Variants in SLF2 observed in about 807,000 individuals in gnomAD.
SLF2 encodes SMC5-SMC6 complex localization factor protein 2.
SLF2 carries 68 observed loss-of-function variants against 124.3 expected under a neutral mutation model. The observed-to-expected ratio is 0.55, with a 90% CI of 0.45 to 0.67. The LOEUF is 0.67. SLF2 is among the 30% of genes least tolerant of loss of function. The probability of loss-of-function intolerance (pLI) is 0.00; values close to 1 mark genes in which losing one functional copy is unlikely to be tolerated. For synonymous variants in SLF2, 480 were observed against 478.8 expected, an observed-to-expected ratio of 1.00 and a Z score of -0.03; for missense variants, 1,246 against 1,373.7, an observed-to-expected ratio of 0.91 and a Z score of 1.47.
Position 100,962,007 on chromosome 10 carries a change from C to A in SLF2, c.*95C>A. The A allele has an allele frequency of 1.6e-5, 18 of 1,138,208 alleles. No homozygotes were observed. The highest frequency in any genetic ancestry group is 8.9e-5 in the South Asian group (5 of 56,014). 70.5% of individuals were successfully genotyped at this position (1,138,208 alleles called of 1,614,324 possible). On this transcript the variant is annotated 3_prime_UTR_variant, in exon 20 of 20. Coordinates refer to ENST00000238961, the MANE Select transcript of SLF2 (RefSeq NM_018121.4). ...GGATTATTACAGAATCCAATGAATG[C>A]CAAGAAAATGTACAGCAAATGTGCC...
chr10:100,956,386 A>G (rs976962727), intron 17 of SLF2, 65 bp from the exon 18 acceptor site: 1 of 1,163,426 alleles, frequency 8.6e-7, no homozygotes, highest in African/African-American at 1.5e-5. Context: ...TTCTAGCTGC[A>G]TAATTTCTTT....
intron 9 of SLF2, among the ~76,000 whole-genome samples, chr10:100,932,775 A>G (rs1402071732): frequency 6.6e-6 from 1 of 152,004 alleles, no homozygotes; most frequent in Non-Finnish European, 1.5e-5. Context: ...GATAAGTGCT[A>G]TGAAGAAAAC....
Position 100,956,426 on chromosome 10 carries a change from C to A in SLF2, c.3331-25C>A, listed in dbSNP as rs372394338. The A allele has an allele frequency of 4.5e-6, 7 of 1,540,666 alleles. No individual in the cohort carries two copies. In the East Asian group the frequency reaches 1.6e-4, roughly 35 times the overall value. ...ATTTGTAATGCTTCAGAATTGTTTT[C>A]ATCCCTTGCATTTGTTTTGCACAGA... On this transcript the variant is annotated intron_variant, in intron 17 of 19. Transcript: ENST00000238961.
intron 9 of SLF2, among the ~76,000 whole-genome samples, chr10:100,932,364 C>A (rs1238037536): frequency 6.6e-6 from 1 of 152,052 alleles, no homozygotes. Flanking sequence ...ATAAAAGAGT[C>A]CTTTATAATA....
At position 100,924,334 on chromosome 10, in the gene SLF2, C is replaced by G. The variant is rs1299466271; in HGVS notation, c.1333C>G (p.Gln445Glu). 5.0e-6 allele frequency: 8 copies of G among 1,613,820 alleles called. No homozygotes were observed. Among genetic ancestry groups the G allele is most frequent in the Admixed American group, 3.3e-5 (2 of 59,952 alleles). ...KMQKPHLPLS[Q>E]EKSAIKKASN... is the part of the protein sequence containing the mutation. Reference sequence around the variant, plus strand: ...GCAGAAACCCCACTTACCTTTATCTCAGGAAAAGTCTGCAATTAAAAAAGC... The same window carrying G: ...GCAGAAACCCCACTTACCTTTATCTGAGGAAAAGTCTGCAATTAAAAAAGC... Residue 445 changes from glutamine (Q) to glutamate (E), a missense_variant, in exon 5 of 20, where the codon CAG (glutamine) becomes GAG (glutamate). Around this residue, in one of 3 missense-constraint regions of SLF2, gnomAD observed 698 missense variants for 708.9 expected, o/e 0.98. Coordinates refer to ENST00000238961, the MANE Select transcript of SLF2 (RefSeq NM_018121.4).
At chr10:100,937,891 T>C (rs573767691) in intron 10 of SLF2, among the ~76,000 whole-genome samples, 1 of 152,346 alleles carries the variant, frequency 6.6e-6, no homozygotes, top group South Asian at 2.1e-4. Flanking sequence ...ATTACAGGCA[T>C]GAGCCACCTC....
At position 100,937,404 on chromosome 10, in the gene SLF2, G is replaced by A. The variant is rs1368824402; in HGVS notation, c.2439G>A (p.Met813Ile). The change falls in exon 10 of 20, where the codon ATG (methionine) becomes ATA (isoleucine). Residue 813 changes from methionine (M) to isoleucine (I), a missense_variant and splice_region_variant. Around this residue, in one of 3 missense-constraint regions of SLF2, gnomAD observed 535 missense variants for 632.8 expected, o/e 0.85. Coordinates refer to ENST00000238961, the MANE Select transcript of SLF2 (RefSeq NM_018121.4). ...PVPVLKWLFR[M>I]MSVHTDCIVS... ...TGTCATTTCTCTGCTTTTGACAGAT[G>A]ATGTCAGTTCATACAGACTGTATTG... The A allele has an allele frequency of 1.2e-6, 2 of 1,604,818 alleles. No individual in the cohort carries two copies. Among genetic ancestry groups the A allele is most frequent in the Admixed American group, 3.3e-5 (2 of 59,860 alleles).
At position 100,929,832 on chromosome 10, in the gene SLF2, A is replaced by G; in HGVS notation, c.2168A>G (p.Glu723Gly). The part of the protein sequence containing the change: ...DEDGLLEEHK[E>G]FLKKFSVTID... ...GATTGACTTTTTTTATGTTTCAGGG[A>G]ATTTCTAAAGAAATTTTCAGTTACA... Residue 723 changes from glutamate (E) to glycine (G), a missense_variant and splice_region_variant, in exon 8 of 20, where the codon GAA (glutamate) becomes GGA (glycine). Glu to Gly is a moderately conservative substitution (Grantham distance 98). Around this residue, in one of 3 missense-constraint regions of SLF2, gnomAD observed 535 missense variants for 632.8 expected, o/e 0.85. Transcript: ENST00000238961. The G allele has an allele frequency of 6.4e-7, 1 of 1,574,076 alleles. No homozygotes were observed. Among genetic ancestry groups the G allele is most frequent in the Non-Finnish European group, 8.6e-7 (1 of 1,164,592 alleles).
At position 100,956,537 on chromosome 10, in the gene SLF2, GGTAA is replaced by G. The variant is rs765276952; in HGVS notation, c.3417+3_3417+6del. 2.9e-5 allele frequency: 46 copies of G among 1,581,954 alleles called. No individual in the cohort carries two copies. Among genetic ancestry groups the G allele is most frequent in the South Asian group, 1.1e-4 (9 of 85,118 alleles). On this transcript the variant is annotated splice_donor_variant and splice_donor_region_variant and intron_variant, in intron 18 of 19. Coordinates refer to ENST00000238961, the MANE Select transcript of SLF2 (RefSeq NM_018121.4). LOFTEE classifies it high-confidence loss of function. Reference sequence around the variant, plus strand: ...ATGCAAGACTTTTTTACAGAACTAAGGTAAGTGTGTTCTTTCTTTTTTTCTTTTT... The same window carrying G: ...ATGCAAGACTTTTTTACAGAACTAAGGTGTGTTCTTTCTTTTTTTCTTTTT...
chr10:100,952,433 G>C (rs2133823412), intron 17 of SLF2, among the ~76,000 whole-genome samples: 1 of 150,888 alleles, frequency 6.6e-6, no homozygotes, highest in African/African-American at 2.4e-5. Context: ...TGTAATCCCA[G>C]CTACTCTGGA....
At chr10:100,942,460 C>T (rs1259858680) in intron 11 of SLF2, among the ~76,000 whole-genome samples, 1 of 152,150 alleles carries the variant, frequency 6.6e-6, no homozygotes, top group African/African-American at 2.4e-5. Flanking sequence ...GTGCATAGAA[C>T]TTCCCTGGCC....
chr10:100,913,125 C>T lies in SLF2; in HGVS notation c.15C>T (p.Cys5=). 1 of 1,613,186 alleles carries T rather than the reference C, an allele frequency of 6.2e-7. No individual in the cohort carries two copies. The highest frequency in any genetic ancestry group is 8.5e-7 in the Non-Finnish European group (1 of 1,179,722). Reference sequence around the variant, plus strand: ...GCGGCGCCGACATGACAAGGCGCTGCATGCCCGCTAGGCCAGGTTTCCCCT... The same window carrying T: ...GCGGCGCCGACATGACAAGGCGCTGTATGCCCGCTAGGCCAGGTTTCCCCT... The part of the protein sequence containing the change: MTRR[C]MPARPGFPSS... The change falls in exon 1 of 20, where the codon TGC becomes TGT. Residue 5 remains cysteine (C), a synonymous_variant. Coordinates refer to ENST00000238961, the MANE Select transcript of SLF2 (RefSeq NM_018121.4).
At chr10:100,934,461 C>G (rs1055511678) in intron 9 of SLF2, among the ~76,000 whole-genome samples, 8 of 152,144 alleles carry the variant, frequency 5.3e-5, no homozygotes, top group African/African-American at 1.7e-4. Context: ...ATGGTGTTGC[C>G]TCCTAGTGGC....
At chr10:100,914,618 T>C (rs1182147323) in intron 1 of SLF2, among the ~76,000 whole-genome samples, 1 of 152,188 alleles carries the variant, frequency 6.6e-6, no homozygotes, top group African/African-American at 2.4e-5. Context: ...TAACAAGGTA[T>C]CATCCTTCTT....
chr10:100,924,361 A>G lies in SLF2; in HGVS notation c.1360A>G (p.Ser454Gly), dbSNP rs567033022. ...SQEKSAIKKASNLQKNKTASS... is the reference protein window; with the variant it reads ...SQEKSAIKKAGNLQKNKTASS... ...GGAAAAGTCTGCAATTAAAAAAGCT[A>G]GCAACCTTCAGAAAAATAAAACCGC... Residue 454 changes from serine (S) to glycine (G), a missense_variant, in exon 5 of 20, where the codon AGC (serine) becomes GGC (glycine). Around this residue, in one of 3 missense-constraint regions of SLF2, gnomAD observed 698 missense variants for 708.9 expected, o/e 0.98. Coordinates refer to ENST00000238961, the MANE Select transcript of SLF2 (RefSeq NM_018121.4). 86 of 1,613,922 alleles carry G rather than the reference A, an allele frequency of 5.3e-5. No homozygotes were observed. Among genetic ancestry groups the G allele is most frequent in the African/African-American group, 3.9e-4 (29 of 74,954 alleles).
intron 1 of SLF2, chr10:100,913,806 G>T: frequency 2.0e-6 from 2 of 985,648 alleles, no homozygotes; most frequent in Non-Finnish European, 2.4e-6. Flanking sequence ...TTTTTGTAAA[G>T]ATTTTGTGGG....
chr10:100,915,365 A>C (rs1849394458), intron 1 of SLF2, among the ~76,000 whole-genome samples: 1 of 152,170 alleles, frequency 6.6e-6, no homozygotes. Flanking sequence ...AGAGGGTAGC[A>C]TAAGTTTGGT....
chr10:100,959,043 G>C (rs1850381395), intron 18 of SLF2, among the ~76,000 whole-genome samples: 1 of 152,180 alleles, frequency 6.6e-6, no homozygotes, highest in East Asian at 1.9e-4. Context: ...GGGAAGGGAA[G>C]GCACAGAACA....
At position 100,923,957 on chromosome 10, in the gene SLF2, A is replaced by T; in HGVS notation, c.974-18A>T. On this transcript the variant is annotated intron_variant, in intron 4 of 19. Coordinates refer to ENST00000238961, the MANE Select transcript of SLF2 (RefSeq NM_018121.4). Reference sequence around the variant, plus strand: ...GGAAAGTATATTTTTCACTAATCTAACAAAAATTAAATTTTAGCAGGCTCT... The same window carrying T: ...GGAAAGTATATTTTTCACTAATCTATCAAAAATTAAATTTTAGCAGGCTCT... 1 of 1,487,224 alleles carries T rather than the reference A, an allele frequency of 6.7e-7. No homozygotes were observed. Among genetic ancestry groups the T allele is most frequent in the African/African-American group, 1.4e-5 (1 of 71,166 alleles). The allele number at this position is 1,487,224 out of a possible 1,614,324, so 92.1% of individuals were successfully genotyped here. A position where few individuals can be genotyped will look rare whatever the true frequency, so the allele number is the denominator to read the frequency against.
Sources: allele counts gnomAD v4.1 joint callset (sites outside exome capture counted in the v4.1 genomes callset), GRCh38; gene constraint gnomAD v4.1.1; regional missense constraint gnomAD v4.1.1; transcripts MANE v1.5; gene names NCBI Gene and HGNC (gene_info 2026-07-23, HGNC 2026-07-21).